Variants in SSBP3 observed in about 807,000 individuals in gnomAD.
The protein encoded by SSBP3 is single stranded DNA binding protein 3, also known as single-stranded DNA-binding protein 3.
A neutral mutation model predicts 69.6 loss-of-function variants in SSBP3; 5 were observed. The observed-to-expected ratio is 0.07, with a 90% CI of 0.04 to 0.15. SSBP3 has a LOEUF of 0.15. Ranked by LOEUF, SSBP3 falls within the 10% of genes least tolerant of loss-of-function variation. The pLI, the probability that SSBP3 is intolerant of heterozygous loss-of-function variation, is 1.00. For missense variants in SSBP3, 312 were observed against 534.0 expected, an observed-to-expected ratio of 0.58 and a Z score of 4.10; for synonymous variants, 196 against 193.4, an observed-to-expected ratio of 1.01 and a Z score of -0.11.
chr1:54,369,502 CA>C (rs979705211), intron 4 of SSBP3, among the ~76,000 whole-genome samples: 2 of 150,444 alleles, frequency 1.3e-5, no homozygotes, highest in Non-Finnish European at 3.0e-5. Context: ...GTTATGTGAT[CA>C]AAAAAAAAGA....
chr1:54,240,827 G>A (rs1235730777), intron 13 of SSBP3, 78 bp downstream of exon 13: 1 of 1,579,426 alleles, frequency 6.3e-7, no homozygotes, highest in South Asian at 1.1e-5. Flanking sequence ...CTCTGCAACA[G>A]TGCCCCTCCA....
intron 5 of SSBP3, among the ~76,000 whole-genome samples, chr1:54,279,694 G>A (rs955139779): frequency 1.3e-5 from 2 of 152,180 alleles, no homozygotes; most frequent in African/African-American, 2.4e-5. Context: ...TGGACAGAAC[G>A]CCAGTGGGAA....
chr1:54,274,913 C>T (rs1291134702), intron 5 of SSBP3, among the ~76,000 whole-genome samples: 1 of 152,054 alleles, frequency 6.6e-6, no homozygotes, highest in African/African-American at 2.4e-5. Flanking sequence ...GGCTCCCTCT[C>T]GCCTGGCACA....
intron 5 of SSBP3, among the ~76,000 whole-genome samples, chr1:54,274,431 T>TGA (rs1364609083): frequency 8.0e-6 from 1 of 125,290 alleles, no homozygotes; most frequent in Non-Finnish European, 1.6e-5. Context: ...CTCTCAGGCC[T>TGA]GAGAGCACTG....
At chr1:54,361,045 G>C (rs1384865193) in intron 4 of SSBP3, among the ~76,000 whole-genome samples, 1 of 152,006 alleles carries the variant, frequency 6.6e-6, no homozygotes, top group African/African-American at 2.4e-5. Context: ...AGCTATGACT[G>C]TACCACTGCA....
At position 54,230,992 on chromosome 1, in the gene SSBP3, G is replaced by A. The variant is rs538864440; in HGVS notation, c.928-2166C>T. ...TGATGTAATGACACTCATGTCTGCCGTGTGGACATACGTTTTCATTTCTCT... is the reference window on the plus strand; with the variant it reads ...TGATGTAATGACACTCATGTCTGCCATGTGGACATACGTTTTCATTTCTCT... On this transcript the variant is annotated intron_variant, in intron 14 of 17. Coordinates refer to ENST00000610401, the Ensembl canonical transcript of SSBP3. Among the ~76,000 whole-genome samples the A allele has an allele frequency of 1.1e-4, 16 of 152,296 alleles. No individual in the cohort carries two copies. In the East Asian group the frequency reaches 2.5e-3, roughly 24 times the overall value.
At chr1:54,265,787 T>C (rs1273221208) in intron 5 of SSBP3, among the ~76,000 whole-genome samples, 5 of 152,220 alleles carry the variant, frequency 3.3e-5, no homozygotes, top group African/African-American at 7.2e-5. Flanking sequence ...AAATGGTTCA[T>C]TGATTTCCGT....
Position 54,295,349 on chromosome 1 carries a change from T to C in SSBP3, c.277-13822A>G, listed in dbSNP as rs569663425. 2.0e-5 allele frequency among the ~76,000 whole-genome samples: 3 copies of C among 152,306 alleles called. No homozygotes were observed. The East Asian group carries it at 5.8e-4, about 29-fold the overall frequency. On this transcript the variant is annotated intron_variant, in intron 4 of 17. Transcript: ENST00000610401. ...TACCTAGAGAACTCCCAGTTATCCA[T>C]CAATGCCCAGCTCAAATGCCCCCTG...
chr1:54,286,380 G>A (rs1363371596), intron 4 of SSBP3: 1 of 152,216 alleles, frequency 6.6e-6, no homozygotes, highest in Non-Finnish European at 1.5e-5. Context: ...ATTCCAGCCA[G>A]GTGCCTCCTC....
intron 4 of SSBP3, among the ~76,000 whole-genome samples, chr1:54,300,491 A>G (rs574067320): frequency 6.3e-4 from 96 of 152,320 alleles, no homozygotes; most frequent in African/African-American, 2.3e-3. Context: ...TTGCTGTTGC[A>G]CACATTAATG....
chr1:54,314,881 CTTG>C (rs767262613), intron 4 of SSBP3, among the ~76,000 whole-genome samples: 26 of 152,138 alleles, frequency 1.7e-4, no homozygotes, highest in Non-Finnish European at 3.5e-4. Flanking sequence ...GGAGGGGATA[CTTG>C]TTGATCTGGC....
intron 5 of SSBP3, among the ~76,000 whole-genome samples, chr1:54,273,066 G>C (rs2100829618): frequency 6.6e-6 from 1 of 152,368 alleles, no homozygotes; most frequent in Non-Finnish European, 1.5e-5. Flanking sequence ...GTGTAGCCCA[G>C]CTGGGCTCTG....
Position 54,258,272 on chromosome 1 carries a change from G to T in SSBP3, c.367-123C>A. On this transcript the variant is annotated intron_variant, in intron 5 of 17. Transcript: ENST00000610401. This position sits in a 1 kb window ranked among gnomAD's most constrained non-coding sequence, Gnocchi z 4.5. ...GGGCGGCGGGCGTGCGGGGGGGTGG[G>T]CTCTGGTTGGTGGGAGGTGGTGGAG... The T allele has an allele frequency of 1.6e-6, 1 of 628,218 alleles. No individual in the cohort carries two copies. 38.9% of individuals were successfully genotyped at this position (628,218 alleles called of 1,614,324 possible).
At chr1:54,324,099 G>A (rs11590557) in intron 4 of SSBP3, among the ~76,000 whole-genome samples, 4,169 of 152,266 alleles carry the variant, frequency 0.027, 90 homozygotes, top group Non-Finnish European at 0.042. Flanking sequence ...TGTTGCCTGC[G>A]TTCCTGAGGT....
chr1:54,355,933 C>G (rs970489852), intron 4 of SSBP3, among the ~76,000 whole-genome samples: 4 of 152,236 alleles, frequency 2.6e-5, no homozygotes, highest in African/African-American at 9.6e-5. Context: ...TAACGCAGTG[C>G]TCGTGCCATC....
intron 4 of SSBP3, among the ~76,000 whole-genome samples, chr1:54,321,927 T>G (rs1646221130): frequency 6.6e-6 from 1 of 152,190 alleles, no homozygotes; most frequent in Non-Finnish European, 1.5e-5. Context: ...ACTGCTTGAT[T>G]GCCTGGAGAT....
At chr1:54,390,352 C>T (rs1648395020) in intron 4 of SSBP3, among the ~76,000 whole-genome samples, 2 of 152,166 alleles carry the variant, frequency 1.3e-5, no homozygotes, top group African/African-American at 4.8e-5. Context: ...TCTAAAATCC[C>T]AGGGACCCGC....
At chr1:54,315,435 G>A (rs1399882003) in intron 4 of SSBP3, among the ~76,000 whole-genome samples, 2 of 152,062 alleles carry the variant, frequency 1.3e-5, no homozygotes, top group Non-Finnish European at 2.9e-5. Flanking sequence ...TTGGTGTTTG[G>A]TACAGAAAGT....
At chr1:54,357,398 G>A (rs1344540858) in intron 4 of SSBP3, among the ~76,000 whole-genome samples, 10 of 152,114 alleles carry the variant, frequency 6.6e-5, no homozygotes. Context: ...GTCAATGTGG[G>A]GGTGGGCAGT....
Sources: gnomAD v4.1 joint callset for allele counts (sites outside exome capture counted in the v4.1 genomes callset) on GRCh38, gnomAD v4.1.1 for gene constraint, Gnocchi (gnomAD v3.1) non-coding constraint, MANE v1.5 for transcripts, NCBI Gene and HGNC (gene_info 2026-07-23, HGNC 2026-07-21) for gene names.